The following RRP8 variants were observed in gnomAD, a reference collection of about 807,000 sequenced individuals.
The protein encoded by RRP8 is ribosomal RNA-processing protein 8.
RRP8 carries 48 observed loss-of-function variants against 45.0 expected under a neutral mutation model. That is an observed-to-expected ratio of 1.07 (90% CI 0.85 to 1.36). The LOEUF (loss-of-function observed/expected upper bound fraction) is 1.36, where lower values mean the gene tolerates loss of function less well. RRP8 is among the 40% of genes most tolerant of loss of function. The pLI is 0.00. For missense variants in RRP8, 658 were observed against 573.7 expected, an observed-to-expected ratio of 1.15 and a Z score of -1.50; for synonymous variants, 274 against 212.4, an observed-to-expected ratio of 1.29 and a Z score of -2.52.
intron 1 of RRP8, among the ~76,000 whole-genome samples, chr11:6,603,046 T>C (rs765115789): frequency 2.6e-5 from 4 of 152,258 alleles, no homozygotes; most frequent in Non-Finnish European, 4.4e-5. Context: ...CTATTCTCAA[T>C]ATACGCAAAA....
chr11:6,601,991 T>C lies in RRP8; in HGVS notation c.324A>G (p.Glu108=), dbSNP rs760199702. 1 of 1,614,188 alleles carries C rather than the reference T, an allele frequency of 6.2e-7. No individual in the cohort carries two copies. The highest frequency in any genetic ancestry group is 1.7e-5 in the Admixed American group (1 of 60,024). ...KQGPPCSDSE[E]EVERKKKCHK... The stretch of plus-strand genomic sequence containing the variant: ...GGCATTTCTTCTTCCTTTCTACTTC[T>C]TCCTCAGAGTCACTGCAAGGTGGGC... Residue 108 remains glutamate (E), a synonymous_variant, in exon 2 of 7, where the codon GAA becomes GAG. Coordinates refer to ENST00000254605, the MANE Select transcript of RRP8 (RefSeq NM_015324.4).
Position 6,597,602 on chromosome 11 carries a change from A to AAAAAC in RRP8, c.*2543_*2544insGTTTT, listed in dbSNP as rs1854250840. On this transcript the variant is annotated 3_prime_UTR_variant, in exon 7 of 7. Coordinates refer to ENST00000254605, the MANE Select transcript of RRP8 (RefSeq NM_015324.4). ...CCTCCCATAAAAAAAAAAAAAAAAA[A>AAAAAC]AACACTGGCTGGGCACAGTGGCTCA... 4 of 151,638 alleles carry AAAAAC rather than the reference A, an allele frequency of 2.6e-5. No homozygotes were observed. The highest frequency in any genetic ancestry group is 9.7e-5 in the African/African-American group (4 of 41,168). 9.4% of individuals were successfully genotyped at this position (151,638 alleles called of 1,614,324 possible).
chr11:6,596,747 G>A lies in RRP8; in HGVS notation c.*3399C>T, dbSNP rs924272986. 9 of 152,218 alleles carry A rather than the reference G, an allele frequency of 5.9e-5. No individual in the cohort carries two copies. Among genetic ancestry groups the A allele is most frequent in the African/African-American group, 1.9e-4 (8 of 41,428 alleles). The allele number at this position is 152,218 out of a possible 1,614,324, so 9.4% of individuals were successfully genotyped here. On this transcript the variant is annotated 3_prime_UTR_variant, in exon 7 of 7. Coordinates refer to ENST00000254605, the MANE Select transcript of RRP8 (RefSeq NM_015324.4). ...TAAATGGTTGGGTTTGGAGCTGAGC[G>A]GTGTCTCTGCCAAGATCATGTTGTT...
At position 6,601,272 on chromosome 11, in the gene RRP8, G is replaced by C; in HGVS notation, c.794C>G (p.Ala265Gly). 1.2e-6 allele frequency: 2 copies of C among 1,612,250 alleles called. No homozygotes were observed. The highest frequency in any genetic ancestry group is 1.7e-6 in the Non-Finnish European group (2 of 1,179,142). Residue 265 changes from alanine to glycine, a missense_variant, in exon 3 of 7, where the codon GCT becomes GGT. Physicochemically the swap from Ala to Gly is moderately conservative, Grantham distance 60 (BLOSUM62 0). Transcript: ENST00000254605. Reference sequence around the variant, plus strand: ...GTCTTCCTGGAAGAGACGCTGTGCAGCACTGCTGGGCCCTGAGTACAACTG... The same window carrying C: ...GTCTTCCTGGAAGAGACGCTGTGCACCACTGCTGGGCCCTGAGTACAACTG... ...NEQLYSGPSS[A>G]AQRLFQEDPE...
chr11:6,603,563 T>C lies in RRP8; in HGVS notation c.-61A>G, dbSNP rs1383162203. The C allele has an allele frequency of 8.6e-6, 10 of 1,161,526 alleles. No homozygotes were observed. Among genetic ancestry groups the C allele is most frequent in the Non-Finnish European group, 2.4e-6 (2 of 826,242 alleles). 72.0% of individuals were successfully genotyped at this position (1,161,526 alleles called of 1,614,324 possible). ...CTTCTCCACGTGCACAGCGCTCCTC[T>C]GGAAGTCGGAGCGCTCAGACCTGCC... On this transcript the variant is annotated 5_prime_UTR_variant, in exon 1 of 7. Transcript: ENST00000254605.
At chr11:6,600,642 A>G (rs757837897) in intron 5 of RRP8, 27 bp downstream of exon 5, 1 of 1,607,810 alleles carries the variant, frequency 6.2e-7, no homozygotes, top group Non-Finnish European at 8.5e-7. Context: ...ACATACATAC[A>G]TGCATCTGTG....
chr11:6,601,080 A>G (rs911222166), intron 3 of RRP8, 25 bp from the exon 4 acceptor site: 1 of 1,614,208 alleles, frequency 6.2e-7, no homozygotes. Flanking sequence ...CAAGGGTCAC[A>G]TATTGGTCTG....
rs1269442289 is a variant in RRP8 at position 6,598,475 on chromosome 11, C to G, written c.*1671G>C. ...TAAACATGGCTTGAGAAAACAGCAG[C>G]CAAATGCACAAAGGAATCACAATGC... is the stretch of plus-strand genomic sequence containing the variant. On this transcript the variant is annotated 3_prime_UTR_variant, in exon 7 of 7. Coordinates refer to ENST00000254605, the MANE Select transcript of RRP8 (RefSeq NM_015324.4). 1 of 152,194 alleles carries G rather than the reference C, an allele frequency of 6.6e-6. No homozygotes were observed. Among genetic ancestry groups the G allele is most frequent in the Non-Finnish European group, 1.5e-5 (1 of 68,056 alleles). The allele number at this position is 152,194 out of a possible 1,614,324, so 9.4% of individuals were successfully genotyped here. A position where few individuals can be genotyped will look rare whatever the true frequency, so the allele number is the denominator to read the frequency against.
At chr11:6,600,849 G>A in intron 4 of RRP8, 74 bp from the exon 5 acceptor site, 1 of 1,610,926 alleles carries the variant, frequency 6.2e-7, no homozygotes. Context: ...ACCAGGATGG[G>A]AAAGGGGAAG....
rs570577695 is a variant in RRP8, at chr11:6,602,546, C to T, written c.100-331G>A. Among the ~76,000 whole-genome samples the T allele has an allele frequency of 3.3e-5, 5 of 152,288 alleles. No homozygotes were observed. In the East Asian group the frequency reaches 9.6e-4, roughly 29 times the overall value. On this transcript the variant is annotated intron_variant, in intron 1 of 6. Transcript: ENST00000254605. ...CTTGAGCTTTTGCCTAGAGCTGATACATTTCTGTAAGAGGTAAGGAGGCTT... is the reference window on the plus strand; with the variant it reads ...CTTGAGCTTTTGCCTAGAGCTGATATATTTCTGTAAGAGGTAAGGAGGCTT...
In RRP8 at chr11:6,602,075, T is replaced by G. The variant is rs767107832; in HGVS notation, c.240A>C (p.Ser80=). 8 of 1,613,624 alleles carry G rather than the reference T, an allele frequency of 5.0e-6. No homozygotes were observed. Among genetic ancestry groups the G allele is most frequent in the Admixed American group, 1.7e-5 (1 of 59,970 alleles). ...CTACTTCAGCAGAGGCACTGGCAAA[T>G]GATGCCTTTTTGGGGCATTTCTTCT... is the stretch of plus-strand genomic sequence containing the variant. ...ERKKKCPKKA[S]FASASAEVGK... The change falls in exon 2 of 7, where the codon TCA becomes TCC. Residue 80 remains serine, a synonymous_variant. Coordinates refer to ENST00000254605, the MANE Select transcript of RRP8 (RefSeq NM_015324.4).
rs1057475339 is a variant in RRP8, at chr11:6,596,246, C to T, written c.*3900G>A. On this transcript the variant is annotated 3_prime_UTR_variant, in exon 7 of 7. Coordinates refer to ENST00000254605, the MANE Select transcript of RRP8 (RefSeq NM_015324.4). Reference sequence around the variant, plus strand: ...ATTCAGGAAGATGAAAATGAGCTCACTGGGGAAAGAGTATTCAAGGAAGAT... The same window carrying T: ...ATTCAGGAAGATGAAAATGAGCTCATTGGGGAAAGAGTATTCAAGGAAGAT... 2.0e-5 allele frequency: 3 copies of T among 152,196 alleles called. No individual in the cohort carries two copies. The highest frequency in any genetic ancestry group is 4.4e-5 in the Non-Finnish European group (3 of 68,058). 9.4% of individuals were successfully genotyped at this position (152,196 alleles called of 1,614,324 possible).
At position 6,596,183 on chromosome 11, in the gene RRP8, C is replaced by G. The variant is rs963028410; in HGVS notation, c.*3963G>C. 2 of 152,330 alleles carry G rather than the reference C, an allele frequency of 1.3e-5. No individual in the cohort carries two copies. Among genetic ancestry groups the G allele is most frequent in the African/African-American group, 2.4e-5 (1 of 41,568 alleles). 9.4% of individuals were successfully genotyped at this position (152,330 alleles called of 1,614,324 possible). A position where few individuals can be genotyped will look rare whatever the true frequency, so the allele number is the denominator to read the frequency against. On this transcript the variant is annotated 3_prime_UTR_variant, in exon 7 of 7. Transcript: ENST00000254605. ...GAGGACATTTGGGTGAGCATCTGGC[C>G]AGTTTCTTCCACAGAAGCAAAGGTA...
rs749237873 is a variant in RRP8, at chr11:6,601,615, A to G, written c.464-13T>C. On this transcript the variant is annotated splice_polypyrimidine_tract_variant and intron_variant, in intron 2 of 6. Coordinates refer to ENST00000254605, the MANE Select transcript of RRP8 (RefSeq NM_015324.4). ...CAGGCTTTGGGACCTACAGGGAGGGAGATGGGAAGGTGCACATGAGGCAAG... is the reference window on the plus strand; with the variant it reads ...CAGGCTTTGGGACCTACAGGGAGGGGGATGGGAAGGTGCACATGAGGCAAG... 3 of 1,591,510 alleles carry G rather than the reference A, an allele frequency of 1.9e-6. No individual in the cohort carries two copies. The highest frequency in any genetic ancestry group is 1.7e-6 in the Non-Finnish European group (2 of 1,174,852).
rs1292545865 is a variant in RRP8, at chr11:6,601,528, G to A, written c.538C>T (p.Pro180Ser). The part of the protein sequence containing the change: ...QSPGSTSPKP[P>S]HTLSRKQWRN... ...CACTGCTTGCGGCTTAATGTATGAGGGGGTTTAGGGGAAGTGGACCCAGGG... is the reference window on the plus strand; with the variant it reads ...CACTGCTTGCGGCTTAATGTATGAGAGGGTTTAGGGGAAGTGGACCCAGGG... Residue 180 changes from proline to serine, a missense_variant, in exon 3 of 7, where the codon CCT becomes TCT. Coordinates refer to ENST00000254605, the MANE Select transcript of RRP8 (RefSeq NM_015324.4). The A allele has an allele frequency of 3.1e-6, 5 of 1,610,098 alleles. No individual in the cohort carries two copies. In the South Asian group the frequency reaches 4.4e-5, roughly 14 times the overall value.
At chr11:6,602,262 G>A (rs2134502650) in intron 1 of RRP8, 47 bp from the exon 2 acceptor site, 1 of 1,502,954 alleles carries the variant, frequency 6.7e-7, no homozygotes, top group Admixed American at 2.3e-5. Context: ...GAATGGATGA[G>A]GCCTGGAGAA....
chr11:6,601,019 C>T lies in RRP8; in HGVS notation c.954G>A (p.Gly318=). The T allele has an allele frequency of 6.2e-7, 1 of 1,614,200 alleles. No homozygotes were observed. ...ASLVVADFGC[G]DCRLASSIRN... Reference sequence around the variant, plus strand: ...GGATACTTGAAGCCAAGCGGCAATCCCCACAGCCGAAGTCAGCCACCACTA... The same window carrying T: ...GGATACTTGAAGCCAAGCGGCAATCTCCACAGCCGAAGTCAGCCACCACTA... The change falls in exon 4 of 7, where the codon GGG becomes GGA. Residue 318 remains glycine, a synonymous_variant. Coordinates refer to ENST00000254605, the MANE Select transcript of RRP8 (RefSeq NM_015324.4).
chr11:6,601,077 C>T (rs763660231), intron 3 of RRP8, 22 bp from the exon 4 acceptor site: 5 of 1,614,180 alleles, frequency 3.1e-6, no homozygotes, highest in East Asian at 2.2e-5. Flanking sequence ...AGGCAAGGGT[C>T]ACATATTGGT....
chr11:6,601,185 T>G lies in RRP8; in HGVS notation c.881A>C (p.Gln294Pro). Residue 294 changes from glutamine (Q) to proline (P), a missense_variant, in exon 3 of 7, where the codon CAG (glutamine) becomes CCG (proline). Coordinates refer to ENST00000254605, the MANE Select transcript of RRP8 (RefSeq NM_015324.4). ...ATCCCTGGCGATGCGGTCCACTGGCTGCAGTGGCCACTTCTTCACTTGGCT... is the reference window on the plus strand; with the variant it reads ...ATCCCTGGCGATGCGGTCCACTGGCGGCAGTGGCCACTTCTTCACTTGGCT... ...FQSQVKKWPL[Q>P]PVDRIARDLR... The G allele has an allele frequency of 4.3e-6, 7 of 1,613,914 alleles. No homozygotes were observed. Among genetic ancestry groups the G allele is most frequent in the Non-Finnish European group, 5.9e-6 (7 of 1,179,908 alleles).
Sources: gnomAD v4.1 joint callset for allele counts (sites outside exome capture counted in the v4.1 genomes callset) on GRCh38, gnomAD v4.1.1 for gene constraint, MANE v1.5 for transcripts, NCBI Gene and HGNC (gene_info 2026-07-23, HGNC 2026-07-21) for gene names.